The following CNTNAP2 variants were observed in gnomAD, a reference collection of about 807,000 sequenced individuals.
CNTNAP2 encodes contactin associated protein 2.
Under a neutral mutation model 155.2 loss-of-function variants are expected in CNTNAP2, and 98 were observed. The observed-to-expected ratio is 0.63, with a 90% CI of 0.54 to 0.75. The LOEUF (loss-of-function observed/expected upper bound fraction) is 0.75. CNTNAP2 is among the 30% of genes least tolerant of loss of function. The probability of loss-of-function intolerance (pLI) is 0.00; values close to 1 mark genes in which losing one functional copy is unlikely to be tolerated. For synonymous variants in CNTNAP2, 651 were observed against 631.2 expected, an observed-to-expected ratio of 1.03 and a Z score of -0.47; for missense variants, 1,727 against 1,688.1, an observed-to-expected ratio of 1.02 and a Z score of -0.40.
At chr7:146,178,839 G>C (rs1584788954) in intron 1 of CNTNAP2, among the ~76,000 whole-genome samples, 1 of 152,214 alleles carries the variant, frequency 6.6e-6, no homozygotes, top group African/African-American at 2.4e-5. Context: ...TATTACTAAG[G>C]TTAGATCAAA....
chr7:146,543,809 G>A (rs1360268389), intron 1 of CNTNAP2, among the ~76,000 whole-genome samples: 1 of 151,872 alleles, frequency 6.6e-6, no homozygotes, highest in Non-Finnish European at 1.5e-5. Context: ...GTTCAGGCCT[G>A]ATGAACTACT....
Position 146,359,062 on chromosome 7 carries a change from A to G in CNTNAP2, c.97+242089A>G, listed in dbSNP as rs145951184. Among the ~76,000 whole-genome samples the G allele has an allele frequency of 5.1e-4, 78 of 152,338 alleles. 1 individual carries two copies. The highest frequency in any genetic ancestry group is 1.4e-3 in the African/African-American group (57 of 41,572). ...GAAAGACTATTTTATGGTAGGAGGA[A>G]GTATAGTCCCATTTATTTTGATTAT... On this transcript the variant is annotated intron_variant, in intron 1 of 23. Coordinates refer to ENST00000361727, the MANE Select transcript of CNTNAP2 (RefSeq NM_014141.6).
At chr7:146,680,790 G>A (rs1204857776) in intron 1 of CNTNAP2, among the ~76,000 whole-genome samples, 1 of 152,068 alleles carries the variant, frequency 6.6e-6, no homozygotes, top group Non-Finnish European at 1.5e-5. Context: ...CATGGATCCG[G>A]GACATACTAG....
intron 1 of CNTNAP2, among the ~76,000 whole-genome samples, chr7:146,184,730 T>C (rs1005351550): frequency 2.6e-5 from 4 of 152,168 alleles, no homozygotes; most frequent in East Asian, 1.9e-4. Context: ...CAAAGGATAA[T>C]CTAGTTATCT....
chr7:147,609,133 G>T (rs1801131052), intron 12 of CNTNAP2, among the ~76,000 whole-genome samples: 1 of 152,126 alleles, frequency 6.6e-6, no homozygotes, highest in South Asian at 2.1e-4. Flanking sequence ...GTAGACTAAT[G>T]GGCACTGTTC....
At chr7:148,258,222 G>C (rs538404403) in intron 20 of CNTNAP2, among the ~76,000 whole-genome samples, 15 of 152,264 alleles carry the variant, frequency 9.9e-5, no homozygotes, top group African/African-American at 3.6e-4. Flanking sequence ...CCACGCTCCT[G>C]GGGCAGGAGT....
intron 1 of CNTNAP2, among the ~76,000 whole-genome samples, chr7:146,281,161 TGTTA>T (rs1234924761): frequency 3.9e-5 from 6 of 152,318 alleles, no homozygotes; most frequent in African/African-American, 1.2e-4. Context: ...ATTTTTCTGG[TGTTA>T]GTTCAAGTTT....
At chr7:146,628,028 T>C (rs1346710358) in intron 1 of CNTNAP2, among the ~76,000 whole-genome samples, 3 of 152,110 alleles carry the variant, frequency 2.0e-5, no homozygotes, top group Non-Finnish European at 4.4e-5. Flanking sequence ...ATAGTATAAT[T>C]TTACCCAGTT....
chr7:146,346,056 G>A (rs1794814041), intron 1 of CNTNAP2, among the ~76,000 whole-genome samples: 1 of 152,146 alleles, frequency 6.6e-6, no homozygotes, highest in South Asian at 2.1e-4. Context: ...AAAGGAGCTG[G>A]GGGAAACATT....
At chr7:146,784,772 T>C (rs1160939056) in intron 2 of CNTNAP2, among the ~76,000 whole-genome samples, 3 of 152,166 alleles carry the variant, frequency 2.0e-5, no homozygotes, top group Non-Finnish European at 2.9e-5. Context: ...TACTGGGCTC[T>C]TACAGATTCT....
intron 1 of CNTNAP2, among the ~76,000 whole-genome samples, chr7:146,298,785 G>A (rs977624323): frequency 2.0e-5 from 3 of 152,204 alleles, no homozygotes; most frequent in African/African-American, 7.2e-5. Flanking sequence ...GTGAATGTAA[G>A]AGTGATAGTG....
intron 1 of CNTNAP2, among the ~76,000 whole-genome samples, chr7:146,494,040 A>C (rs1246006227): frequency 6.6e-6 from 1 of 152,164 alleles, no homozygotes; most frequent in Non-Finnish European, 1.5e-5. Context: ...AAATTTAAAA[A>C]ATAAAAATGC....
intron 8 of CNTNAP2, among the ~76,000 whole-genome samples, chr7:147,179,443 G>C (rs1226286806): frequency 6.6e-6 from 1 of 152,134 alleles, no homozygotes; most frequent in Admixed American, 6.5e-5. Context: ...CAGACAAAGA[G>C]GAGGCTAAAC....
chr7:147,306,641 G>A (rs185360790), intron 9 of CNTNAP2, among the ~76,000 whole-genome samples: 29 of 152,274 alleles, frequency 1.9e-4, no homozygotes, highest in Admixed American at 3.3e-4. Flanking sequence ...ATGTTGTATC[G>A]TTACATTTGG....
At chr7:147,486,525 G>A (rs201472961) in intron 11 of CNTNAP2, among the ~76,000 whole-genome samples, 47 of 152,134 alleles carry the variant, frequency 3.1e-4, no homozygotes, top group African/African-American at 1.0e-3. Context: ...AAATGAGTCC[G>A]AAATGGAATA....
intron 15 of CNTNAP2, among the ~76,000 whole-genome samples, chr7:148,029,917 GAGA>G (rs1294352722): frequency 6.6e-6 from 1 of 152,198 alleles, no homozygotes; most frequent in African/African-American, 2.4e-5. Flanking sequence ...GATTGTGGTG[GAGA>G]AGAACAGGGA....
intron 12 of CNTNAP2, among the ~76,000 whole-genome samples, chr7:147,579,768 T>C (rs1446758278): frequency 1.3e-5 from 2 of 152,174 alleles, no homozygotes; most frequent in African/African-American, 2.4e-5. Flanking sequence ...CCTACTGTGC[T>C]GTCAGAACAT....
In CNTNAP2 at chr7:147,121,156, A is replaced by G; in HGVS notation, c.932A>G (p.Asp311Gly). The change falls in exon 6 of 24, where the codon GAC (aspartate) becomes GGC (glycine). Residue 311 changes from aspartate (D) to glycine (G), a missense_variant. Physicochemically the swap from Asp to Gly is moderately conservative, Grantham distance 94. Coordinates refer to ENST00000361727, the MANE Select transcript of CNTNAP2 (RefSeq NM_014141.6). ...TNGEFDYLDL[D>G]YEITFGGIPF... ...GGAGAGTTTGACTACCTGGACTTGG[A>G]CTATGAGGTACATGTGATGACGTAG... 1 of 1,614,094 alleles carries G rather than the reference A, an allele frequency of 6.2e-7. No homozygotes were observed. Among genetic ancestry groups the G allele is most frequent in the Non-Finnish European group, 8.5e-7 (1 of 1,179,950 alleles).
chr7:146,409,710 C>A (rs530298356), intron 1 of CNTNAP2, among the ~76,000 whole-genome samples: 1 of 152,184 alleles, frequency 6.6e-6, no homozygotes, highest in Non-Finnish European at 1.5e-5. Flanking sequence ...ATCCTCCTCC[C>A]CAAAGGCTTT....
Sources: allele counts gnomAD v4.1 joint callset (sites outside exome capture counted in the v4.1 genomes callset), GRCh38; gene constraint gnomAD v4.1.1; transcripts MANE v1.5; gene names NCBI Gene and HGNC (gene_info 2026-07-23, HGNC 2026-07-21).